Variants in TMED3 observed in about 807,000 individuals in gnomAD.
The protein encoded by TMED3 is transmembrane p24 trafficking protein 3, also known as transmembrane emp24 domain-containing protein 3.
A neutral mutation model predicts 15.0 loss-of-function variants in TMED3; 9 were observed. The observed-to-expected ratio is 0.60, with a 90% CI of 0.36 to 1.04. TMED3 has a LOEUF of 1.04. TMED3 is among the 50% of genes least tolerant of loss of function. The pLI, the probability that TMED3 is intolerant of heterozygous loss-of-function variation, is 0.01. For missense variants in TMED3, 267 were observed against 278.9 expected (o/e 0.96, Z 0.30); for synonymous variants, 117 against 121.4 (o/e 0.96, Z 0.24).
chr15:79,314,034 C>A, intron 2 of TMED3, 29 bp downstream of exon 2: 1 of 1,612,410 alleles, frequency 6.2e-7, no homozygotes, highest in Non-Finnish European at 8.5e-7. Context: ...TTCGGGGCTG[C>A]TGAACCCCCT....
At chr15:79,376,149 G>A (rs908262241) in intron 2 of TMED3, among the ~76,000 whole-genome samples, 4 of 140,884 alleles carry the variant, frequency 2.8e-5, no homozygotes, top group South Asian at 2.1e-4. Flanking sequence ...TCGCTCTGTC[G>A]CCCAGGCTGG....
intron 2 of TMED3, among the ~76,000 whole-genome samples, chr15:79,407,837 G>A (rs1893921575): frequency 6.6e-6 from 1 of 152,168 alleles, no homozygotes; most frequent in African/African-American, 2.4e-5. Flanking sequence ...GGTCCATTGA[G>A]GATTTATGCT....
intron 2 of TMED3, among the ~76,000 whole-genome samples, chr15:79,392,696 A>G (rs1431668906): frequency 6.6e-6 from 1 of 152,208 alleles, no homozygotes; most frequent in Non-Finnish European, 1.5e-5. Flanking sequence ...CTTGTCTGAT[A>G]ATGTGCTTAG....
At chr15:79,367,985 T>G (rs1475540903) in intron 2 of TMED3, among the ~76,000 whole-genome samples, 1 of 152,098 alleles carries the variant, frequency 6.6e-6, no homozygotes, top group Admixed American at 6.6e-5. Flanking sequence ...GAAAGAATAG[T>G]GGTCAGAGCT....
At chr15:79,362,257 G>A (rs982895114) in intron 2 of TMED3, among the ~76,000 whole-genome samples, 1 of 150,944 alleles carries the variant, frequency 6.6e-6, no homozygotes, top group Admixed American at 6.6e-5. Flanking sequence ...CTTGAATCAA[G>A]GAGTTTGAGA....
intron 2 of TMED3, among the ~76,000 whole-genome samples, chr15:79,374,347 A>C (rs1893391674): frequency 6.6e-6 from 1 of 152,158 alleles, no homozygotes; most frequent in African/African-American, 2.4e-5. Flanking sequence ...AAAGGAAGGA[A>C]AGTATAATGA....
In TMED3 at chr15:79,322,590, G is replaced by C. The variant is rs2058772700; in HGVS notation, c.*376G>C. On this transcript the variant is annotated 3_prime_UTR_variant, in exon 3 of 3. Transcript: ENST00000299705. ...CTGTTTCATGATGCATGGGTCATTT[G>C]TCTTGGGTGTCCTATCCCATATGGA... 9.7e-7 allele frequency: 1 copy of C among 1,034,972 alleles called. No homozygotes were observed. The highest frequency in any genetic ancestry group is 4.1e-5 in the South Asian group (1 of 24,346). 64.1% of individuals were successfully genotyped at this position (1,034,972 alleles called of 1,614,324 possible).
intron 2 of TMED3, among the ~76,000 whole-genome samples, chr15:79,380,363 T>G (rs28459403): frequency 0.077 from 11,487 of 149,082 alleles, 493 homozygotes; most frequent in Non-Finnish European, 0.092. Context: ...TATATATATA[T>G]AGAGAGAGTT....
At chr15:79,323,074 C>T (rs750004105), downstream of TMED3, among the ~76,000 whole-genome samples, 1 of 152,216 alleles carries the variant, frequency 6.6e-6, no homozygotes, top group Non-Finnish European at 1.5e-5. Context: ...TTTGCAAATG[C>T]TGTTTCCTCT....
chr15:79,352,515 T>A (rs888813384), intron 2 of TMED3, among the ~76,000 whole-genome samples: 1 of 152,020 alleles, frequency 6.6e-6, no homozygotes, highest in African/African-American at 2.4e-5. Context: ...TTTACTAATG[T>A]GACACATGCC....
chr15:79,312,159 C>G (rs779949206), intron 1 of TMED3, among the ~76,000 whole-genome samples: 5 of 152,160 alleles, frequency 3.3e-5, no homozygotes, highest in Admixed American at 6.5e-5. Context: ...AGACAGCTAT[C>G]TGCTTGTGGA....
At chr15:79,340,445 GAC>G (rs1259412091) in intron 2 of TMED3, among the ~76,000 whole-genome samples, 1 of 152,208 alleles carries the variant, frequency 6.6e-6, no homozygotes, top group Non-Finnish European at 1.5e-5. Context: ...AATTTCTTGA[GAC>G]ACCCTGAGCC....
chr15:79,410,666 T>C (rs893560265), intron 2 of TMED3, among the ~76,000 whole-genome samples: 3 of 151,100 alleles, frequency 2.0e-5, no homozygotes, highest in Admixed American at 6.6e-5. Context: ...ATAAGATACA[T>C]GTGAAATATA....
intron 2 of TMED3, among the ~76,000 whole-genome samples, chr15:79,409,293 G>A (rs1036014065): frequency 2.6e-5 from 4 of 152,212 alleles, no homozygotes; most frequent in Non-Finnish European, 4.4e-5. Context: ...CAGATATTCA[G>A]TGCCAATCTT....
intron 2 of TMED3, among the ~76,000 whole-genome samples, chr15:79,349,715 G>A (rs1479868690): frequency 6.6e-6 from 1 of 152,094 alleles, no homozygotes; most frequent in African/African-American, 2.4e-5. Flanking sequence ...CTGCCTCCCT[G>A]CTCCAGCCGC....
At chr15:79,390,999 G>A (rs546082102) in intron 2 of TMED3, among the ~76,000 whole-genome samples, 1 of 151,298 alleles carries the variant, frequency 6.6e-6, no homozygotes, top group East Asian at 1.9e-4. Flanking sequence ...CTTGCTAATG[G>A]TCTATCAATT....
chr15:79,359,857 CCTT>C (rs1237594393), intron 2 of TMED3, among the ~76,000 whole-genome samples: 2 of 151,938 alleles, frequency 1.3e-5, no homozygotes, highest in Non-Finnish European at 2.9e-5. Flanking sequence ...CTATTATCTC[CCTT>C]CTTCTTCTGC....
chr15:79,349,189 A>G (rs1338207678), intron 2 of TMED3, among the ~76,000 whole-genome samples: 3 of 152,202 alleles, frequency 2.0e-5, no homozygotes, highest in Non-Finnish European at 2.9e-5. Context: ...GTGATACCTC[A>G]TTATACTTTT....
downstream of TMED3, among the ~76,000 whole-genome samples, chr15:79,323,253 G>A (rs1009916162): frequency 1.3e-5 from 2 of 152,168 alleles, no homozygotes; most frequent in Non-Finnish European, 2.9e-5. Context: ...CCAATCAGAT[G>A]TCTGTGCAGT....
Sources: gnomAD v4.1 joint callset for allele counts (sites outside exome capture counted in the v4.1 genomes callset) on GRCh38, gnomAD v4.1.1 for gene constraint, MANE v1.5 for transcripts, NCBI Gene and HGNC (gene_info 2026-07-23, HGNC 2026-07-21) for gene names.